Variants in FBXL13 observed in about 807,000 individuals in gnomAD.
FBXL13 encodes the protein F-box and leucine rich repeat protein 13, also known as F-box and leucine-rich repeat protein 13.
A neutral mutation model predicts 83.6 loss-of-function variants in FBXL13; 67 were observed. The ratio of observed to expected loss-of-function variants is 0.80; its 90% CI spans 0.66 to 0.98. FBXL13 has a LOEUF of 0.98. Among genes scored for constraint, FBXL13 ranks in the 50% least tolerant of loss-of-function variants. The probability of loss-of-function intolerance (pLI) is 0.00; values close to 1 mark genes in which losing one functional copy is unlikely to be tolerated. For synonymous variants in FBXL13, 272 were observed against 299.5 expected (o/e 0.91, Z 0.95); for missense variants, 822 against 866.5 (o/e 0.95, Z 0.64).
rs947715585 is a variant in FBXL13, at chr7:102,890,581, C to T, written c.1009-6269G>A. Among the ~76,000 whole-genome samples, 5 of 152,328 alleles carry T rather than the reference C, an allele frequency of 3.3e-5. No individual in the cohort carries two copies. The South Asian group carries it at 8.3e-4, about 25-fold the overall frequency. On this transcript the variant is annotated intron_variant, in intron 11 of 19. Transcript: ENST00000313221. ...CATCATCATGAGAAGACAGACCTGT[C>T]TGTAAAGGAATTGAGTTGTCAGTGA...
Position 102,915,019 on chromosome 7 carries a change from T to C in FBXL13, c.879-1804A>G, listed in dbSNP as rs148044007. 3.7e-3 allele frequency among the ~76,000 whole-genome samples: 566 copies of C among 152,332 alleles called. 5 individuals carry two copies. The highest frequency in any genetic ancestry group is 0.013 in the African/African-American group (559 of 41,570). ...ACACAGTGCAAAATACACAAGGTTT[T>C]TGAATCCGGCCAAATGAGATGTAAA... On this transcript the variant is annotated intron_variant, in intron 10 of 19. Transcript: ENST00000313221.
chr7:102,992,789 T>A (rs1269469945), intron 6 of FBXL13, among the ~76,000 whole-genome samples: 2 of 152,188 alleles, frequency 1.3e-5, no homozygotes, highest in Non-Finnish European at 2.9e-5. Flanking sequence ...GTATTTTTCA[T>A]AGAGACACAG....
At chr7:102,817,022 G>A (rs1228503216) in intron 19 of FBXL13, among the ~76,000 whole-genome samples, 1 of 152,176 alleles carries the variant, frequency 6.6e-6, no homozygotes, top group Non-Finnish European at 1.5e-5. Flanking sequence ...CAGGCACTTA[G>A]GTTGATCCCA....
chr7:102,867,695 A>ATATATTT (rs1239781180), intron 16 of FBXL13, among the ~76,000 whole-genome samples: 22 of 49,082 alleles, frequency 4.5e-4, no homozygotes, highest in African/African-American at 2.4e-3. Flanking sequence ...ATATATATAT[A>ATATATTT]TTTTTTTTTT....
chr7:102,992,123 T>C (rs923462793), intron 6 of FBXL13, among the ~76,000 whole-genome samples: 3 of 152,090 alleles, frequency 2.0e-5, no homozygotes, highest in Non-Finnish European at 4.4e-5. Flanking sequence ...CCAACCCCCT[T>C]GACCCACCCA....
At chr7:103,026,126 C>A (rs1345364410) in intron 5 of FBXL13, among the ~76,000 whole-genome samples, 1 of 151,856 alleles carries the variant, frequency 6.6e-6, no homozygotes, top group African/African-American at 2.4e-5. Flanking sequence ...ACTGCCTGCT[C>A]TCAGGGATTT....
intron 1 of FBXL13, among the ~76,000 whole-genome samples, chr7:103,067,988 T>C (rs568913516): frequency 6.6e-6 from 1 of 152,226 alleles, no homozygotes; most frequent in South Asian, 2.1e-4. Context: ...GAAGCTCCAA[T>C]GTGAGTGAGC....
chr7:102,986,727 T>C (rs935356994), intron 6 of FBXL13, among the ~76,000 whole-genome samples: 1 of 152,100 alleles, frequency 6.6e-6, no homozygotes, highest in Non-Finnish European at 1.5e-5. Flanking sequence ...GATGGGCCGA[T>C]TGTAAAGGAA....
chr7:102,873,253 A>C (rs1034384183), intron 16 of FBXL13, among the ~76,000 whole-genome samples: 1 of 152,202 alleles, frequency 6.6e-6, no homozygotes, highest in Non-Finnish European at 1.5e-5. Flanking sequence ...TTGCAAGTGA[A>C]TCAAACTAAA....
At chr7:102,866,306 C>T (rs58313131) in intron 16 of FBXL13, among the ~76,000 whole-genome samples, 2,564 of 152,200 alleles carry the variant, frequency 0.017, 69 homozygotes, top group African/African-American at 0.059. Flanking sequence ...TTAGTAGGCA[C>T]TTTGCTAGAA....
At chr7:102,960,354 T>C (rs911704264) in intron 8 of FBXL13, among the ~76,000 whole-genome samples, 1 of 151,894 alleles carries the variant, frequency 6.6e-6, no homozygotes, top group African/African-American at 2.4e-5. Context: ...AGCTTACCAA[T>C]CAAAAAGAGT....
At chr7:103,074,651 A>G (rs575570367), upstream of FBXL13, 9 of 1,271,956 alleles carry the variant, frequency 7.1e-6, no homozygotes, top group African/African-American at 1.4e-4. Flanking sequence ...CCCCCTTCTA[A>G]CTCCCCACCG....
chr7:102,837,707 C>A (rs1802241736), intron 17 of FBXL13, among the ~76,000 whole-genome samples: 1 of 152,072 alleles, frequency 6.6e-6, no homozygotes, highest in South Asian at 2.1e-4. Context: ...CCATGCCTGG[C>A]TCATTTTTTA....
intron 16 of FBXL13, among the ~76,000 whole-genome samples, chr7:102,874,681 G>A (rs971777754): frequency 6.6e-6 from 1 of 151,978 alleles, no homozygotes. Flanking sequence ...ACTCCCACCT[G>A]TCAGCCTCCT....
At chr7:103,012,733 A>G (rs1220219290) in intron 6 of FBXL13, among the ~76,000 whole-genome samples, 2 of 152,238 alleles carry the variant, frequency 1.3e-5, no homozygotes, top group African/African-American at 4.8e-5. Context: ...GATACTCTAA[A>G]GCAGCCACAC....
intron 8 of FBXL13, among the ~76,000 whole-genome samples, chr7:102,948,015 G>T (rs1822801043): frequency 6.6e-6 from 1 of 151,724 alleles, no homozygotes; most frequent in African/African-American, 2.4e-5. Context: ...AGAAATCTGA[G>T]TCTCCTGCTC....
At chr7:103,033,374 C>T (rs1424495449) in intron 2 of FBXL13, among the ~76,000 whole-genome samples, 4 of 152,182 alleles carry the variant, frequency 2.6e-5, no homozygotes, top group African/African-American at 9.7e-5. Context: ...GAAGGAAAGG[C>T]ATTGTGTCCA....
At chr7:103,062,157 C>T (rs533491741) in intron 1 of FBXL13, among the ~76,000 whole-genome samples, 14 of 151,956 alleles carry the variant, frequency 9.2e-5, no homozygotes, top group Non-Finnish European at 1.6e-4. Context: ...AATTGGAGCT[C>T]ACCATTTGAA....
At chr7:102,863,113 T>C (rs1221410274) in intron 16 of FBXL13, among the ~76,000 whole-genome samples, 1 of 152,250 alleles carries the variant, frequency 6.6e-6, no homozygotes, top group Non-Finnish European at 1.5e-5. Flanking sequence ...TGAGATTTCA[T>C]TGAGCTCTTC....
Sources: allele counts gnomAD v4.1 joint callset (sites outside exome capture counted in the v4.1 genomes callset), GRCh38; gene constraint gnomAD v4.1.1; transcripts MANE v1.5; gene names NCBI Gene and HGNC (gene_info 2026-07-23, HGNC 2026-07-21).